Variants in MCC observed in about 807,000 individuals in gnomAD.
MCC encodes MCC regulator of Wnt signaling pathway, also known as colorectal mutant cancer protein.
In MCC, 90 loss-of-function variants were observed where a neutral mutation model predicts 116.2. That is an observed-to-expected ratio of 0.77 (90% CI 0.65 to 0.92). The LOEUF (loss-of-function observed/expected upper bound fraction) is 0.92. Ranked by LOEUF, MCC falls within the 40% of genes least tolerant of loss-of-function variation. MCC has a pLI of 0.00. For missense variants in MCC, 1,516 were observed against 1,312.2 expected, an observed-to-expected ratio of 1.16 and a Z score of -2.40; for synonymous variants, 578 against 510.5, an observed-to-expected ratio of 1.13 and a Z score of -1.78.
In MCC at chr5:113,334,029, CAATT is replaced by C. The variant is rs542138727; in HGVS notation, c.627+6486_627+6489del. ...TAGTATAATTAATTTTAGTGTACATCAATTAATACTTTTATTAATAAAAATAAAG... is the reference window on the plus strand; with the variant it reads ...TAGTATAATTAATTTTAGTGTACATCAATACTTTTATTAATAAAAATAAAG... On this transcript the variant is annotated intron_variant, in intron 3 of 18. Transcript: ENST00000408903. Among the ~76,000 whole-genome samples, 670 of 145,968 alleles carry C rather than the reference CAATT, an allele frequency of 4.6e-3. 3 individuals are homozygous for C. Among genetic ancestry groups the C allele is most frequent in the Non-Finnish European group, 6.2e-3 (416 of 67,134 alleles).
chr5:113,431,762 A>AGGGGGGG (rs1770652190), intron 1 of MCC, among the ~76,000 whole-genome samples: 1 of 11,982 alleles, frequency 8.3e-5, no homozygotes, highest in African/African-American at 1.7e-4. Context: ...TTGGGAGGCC[A>AGGGGGGG]AGGGGGGGGG....
chr5:113,155,740 A>G (rs957750225), intron 3 of MCC, among the ~76,000 whole-genome samples: 1 of 152,236 alleles, frequency 6.6e-6, no homozygotes, highest in Admixed American at 6.5e-5. Context: ...TCCATGAACC[A>G]AAGAGAAAGA....
At chr5:113,309,666 T>C (rs1767089655) in intron 3 of MCC, among the ~76,000 whole-genome samples, 1 of 152,256 alleles carries the variant, frequency 6.6e-6, no homozygotes, top group Non-Finnish European at 1.5e-5. Flanking sequence ...TCTTCATGAT[T>C]GTGAATTGTG....
chr5:113,434,174 C>A lies in MCC; in HGVS notation c.171-48962G>T. On this transcript the variant is annotated intron_variant, in intron 1 of 18. Coordinates refer to ENST00000408903, the MANE Select transcript of MCC (RefSeq NM_001085377.2). This position sits in a 1 kb window ranked among gnomAD's most constrained non-coding sequence, Gnocchi z 4.2. Reference sequence around the variant, plus strand: ...GCTCCTTCTGGATACGCAGCATCTTCTTGATGTTGGAGTCGTCGTAGGGCA... The same window carrying A: ...GCTCCTTCTGGATACGCAGCATCTTATTGATGTTGGAGTCGTCGTAGGGCA... The A allele has an allele frequency of 6.2e-7, 1 of 1,614,170 alleles. No individual in the cohort carries two copies. The highest frequency in any genetic ancestry group is 8.5e-7 in the Non-Finnish European group (1 of 1,180,016).
chr5:113,055,942 A>G (rs1282146311), intron 14 of MCC, among the ~76,000 whole-genome samples: 1 of 152,234 alleles, frequency 6.6e-6, no homozygotes. Context: ...CAGGATGGCA[A>G]CATCAACTCT....
intron 3 of MCC, among the ~76,000 whole-genome samples, chr5:113,257,737 AAAG>A (rs2150346939): frequency 6.6e-6 from 1 of 152,246 alleles, no homozygotes; most frequent in South Asian, 2.1e-4. Flanking sequence ...TGGGTGTGTG[AAAG>A]AAGAGTTTTA....
intron 2 of MCC, among the ~76,000 whole-genome samples, chr5:113,353,244 A>G (rs1490436660): frequency 6.6e-6 from 1 of 152,078 alleles, no homozygotes. Context: ...TGACAAGGCC[A>G]TTGTTAGGAG....
At chr5:113,461,606 G>T (rs764148895) in intron 1 of MCC, among the ~76,000 whole-genome samples, 5 of 152,060 alleles carry the variant, frequency 3.3e-5, no homozygotes, top group African/African-American at 4.8e-5. Context: ...AGGAGTCTGA[G>T]ACTACAGTGA....
In MCC at chr5:113,023,255, C is replaced by G. The variant is rs1234396916; in HGVS notation, c.*4047G>C. The stretch of plus-strand genomic sequence containing the variant: ...ATAAGATTTGTAGGATGTGGATAAA[C>G]TTTAAGAACTGGATAGTGAAGGCGT... On this transcript the variant is annotated 3_prime_UTR_variant, in exon 19 of 19. Coordinates refer to ENST00000408903, the MANE Select transcript of MCC (RefSeq NM_001085377.2). The G allele has an allele frequency of 1.3e-5, 2 of 152,228 alleles. No individual in the cohort carries two copies. Among genetic ancestry groups the G allele is most frequent in the African/African-American group, 4.8e-5 (2 of 41,466 alleles). The allele number at this position is 152,228 out of a possible 1,614,324, so 9.4% of individuals were successfully genotyped here.
intron 3 of MCC, among the ~76,000 whole-genome samples, chr5:113,172,800 GA>G (rs1336482349): frequency 3.9e-5 from 6 of 152,220 alleles, no homozygotes; most frequent in Non-Finnish European, 8.8e-5. Flanking sequence ...GCCTTCTACC[GA>G]AAGCTATTGC....
At chr5:113,459,276 G>A (rs754175093) in intron 1 of MCC, among the ~76,000 whole-genome samples, 1 of 151,720 alleles carries the variant, frequency 6.6e-6, no homozygotes, top group African/African-American at 2.4e-5. Context: ...GCTCACACCT[G>A]TAATCCCAGC....
intron 1 of MCC, among the ~76,000 whole-genome samples, chr5:113,410,422 T>C (rs1002381007): frequency 1.3e-5 from 2 of 152,244 alleles, no homozygotes; most frequent in African/African-American, 4.8e-5. Flanking sequence ...ATAAACATTG[T>C]TGAACACTTG....
chr5:113,110,806 T>TA (rs1185151987), intron 6 of MCC, among the ~76,000 whole-genome samples: 1 of 152,356 alleles, frequency 6.6e-6, no homozygotes, highest in East Asian at 1.9e-4. Context: ...GCCTTTTTTT[T>TA]ATTTTTAAAA....
In MCC at chr5:113,467,233, G is replaced by C. The variant is rs929043329; in HGVS notation, c.170+21012C>G. ...TTTGGTTTTTGTTGCCATTGCTTTTGGTGTTTTAGACATGAAGTCCTTGCC... is the reference window on the plus strand; with the variant it reads ...TTTGGTTTTTGTTGCCATTGCTTTTCGTGTTTTAGACATGAAGTCCTTGCC... On this transcript the variant is annotated intron_variant, in intron 1 of 18. Coordinates refer to ENST00000408903, the MANE Select transcript of MCC (RefSeq NM_001085377.2). Among the ~76,000 whole-genome samples, 953 of 151,516 alleles carry C rather than the reference G, an allele frequency of 6.3e-3. 13 individuals carry two copies. Among genetic ancestry groups the C allele is most frequent in the African/African-American group, 0.022 (905 of 41,186 alleles).
At chr5:113,199,223 A>G (rs1762572128) in intron 3 of MCC, among the ~76,000 whole-genome samples, 1 of 152,096 alleles carries the variant, frequency 6.6e-6, no homozygotes, top group Non-Finnish European at 1.5e-5. Context: ...TCCTGCAAGG[A>G]CAGGTGTTAA....
chr5:113,382,993 T>C (rs539678666), intron 2 of MCC, among the ~76,000 whole-genome samples: 1 of 152,334 alleles, frequency 6.6e-6, no homozygotes, highest in East Asian at 1.9e-4. Flanking sequence ...TAAGGTTATA[T>C]AAAAGGATGA....
intron 3 of MCC, among the ~76,000 whole-genome samples, chr5:113,196,885 G>C (rs1762438755): frequency 6.6e-6 from 1 of 152,128 alleles, no homozygotes; most frequent in South Asian, 2.1e-4. Context: ...ACGTCTGCAG[G>C]TTCTGGCTGA....
intron 1 of MCC, among the ~76,000 whole-genome samples, chr5:113,442,854 C>G (rs1407037357): frequency 6.6e-6 from 1 of 152,136 alleles, no homozygotes; most frequent in Non-Finnish European, 1.5e-5. Flanking sequence ...TTCCATTGGT[C>G]TATATAGCTG....
chr5:113,457,943 T>C (rs1001004623), intron 1 of MCC, among the ~76,000 whole-genome samples: 7 of 151,906 alleles, frequency 4.6e-5, no homozygotes, highest in African/African-American at 1.7e-4. Context: ...GGTGGGGCCT[T>C]GAAGAACCTT....
Sources: allele counts gnomAD v4.1 joint callset (sites outside exome capture counted in the v4.1 genomes callset), GRCh38; gene constraint gnomAD v4.1.1; non-coding constraint Gnocchi (gnomAD v3.1); transcripts MANE v1.5; gene names NCBI Gene and HGNC (gene_info 2026-07-23, HGNC 2026-07-21).